Variants in MAN1A1 observed in about 807,000 individuals in gnomAD.
The protein encoded by MAN1A1 is mannosidase alpha class 1A member 1.
In MAN1A1, 29 loss-of-function variants were observed where a neutral mutation model predicts 70.8. The ratio of observed to expected loss-of-function variants is 0.41; its 90% CI spans 0.31 to 0.56. The LOEUF (loss-of-function observed/expected upper bound fraction) is 0.56, where lower values mean the gene tolerates loss of function less well. Ranked by LOEUF, MAN1A1 falls within the 20% of genes least tolerant of loss-of-function variation. The probability of loss-of-function intolerance (pLI) is 0.29; values close to 1 mark genes in which losing one functional copy is unlikely to be tolerated. For missense variants in MAN1A1, 747 were observed against 841.3 expected, an observed-to-expected ratio of 0.89 and a Z score of 1.39; for synonymous variants, 349 against 330.1, an observed-to-expected ratio of 1.06 and a Z score of -0.62.
intron 11 of MAN1A1, among the ~76,000 whole-genome samples, chr6:119,185,844 GTTTTTTTT>G (rs63362861): frequency 7.6e-6 from 1 of 132,162 alleles, no homozygotes; most frequent in African/African-American, 2.8e-5. Context: ...TGGCCTCCCA[GTTTTTTTT>G]TTTTTTTTTT....
At chr6:119,332,325 A>AT (rs1773340200) in intron 2 of MAN1A1, among the ~76,000 whole-genome samples, 1 of 152,364 alleles carries the variant, frequency 6.6e-6, no homozygotes, top group African/African-American at 2.4e-5. Flanking sequence ...AACAGGAAGA[A>AT]TAACAAACAC....
At chr6:119,271,115 A>C (rs1018564209) in intron 5 of MAN1A1, among the ~76,000 whole-genome samples, 11 of 152,182 alleles carry the variant, frequency 7.2e-5, no homozygotes, top group African/African-American at 2.7e-4. Context: ...CAAGAAACAC[A>C]ACTCTACATT....
chr6:119,227,236 G>T (rs1036432899), intron 6 of MAN1A1, among the ~76,000 whole-genome samples: 1 of 152,160 alleles, frequency 6.6e-6, no homozygotes, highest in Non-Finnish European at 1.5e-5. Flanking sequence ...TATACTGACA[G>T]CAACATATCA....
chr6:119,190,993 T>C (rs547753578), intron 9 of MAN1A1, among the ~76,000 whole-genome samples: 2 of 152,136 alleles, frequency 1.3e-5, no homozygotes, highest in African/African-American at 2.4e-5. Flanking sequence ...TTGGGAATAA[T>C]AGACACAGAA....
chr6:119,217,194 T>C (rs1024798560), intron 6 of MAN1A1, among the ~76,000 whole-genome samples: 3 of 152,244 alleles, frequency 2.0e-5, no homozygotes, highest in African/African-American at 7.2e-5. Context: ...TGGTCAATCT[T>C]TTAGGTTAAA....
At chr6:119,193,619 A>G (rs1773495851) in intron 9 of MAN1A1, among the ~76,000 whole-genome samples, 158 bp downstream of exon 9, 1 of 152,240 alleles carries the variant, frequency 6.6e-6, no homozygotes, top group South Asian at 2.1e-4. Context: ...AAATATGATT[A>G]CCATTATTAC....
chr6:119,254,062 T>C (rs1204474035), intron 5 of MAN1A1, among the ~76,000 whole-genome samples: 1 of 152,224 alleles, frequency 6.6e-6, no homozygotes, highest in Non-Finnish European at 1.5e-5. Flanking sequence ...AACATCCTTC[T>C]ACCTAAACTG....
intron 6 of MAN1A1, among the ~76,000 whole-genome samples, chr6:119,227,250 G>A (rs1392972703): frequency 2.0e-5 from 3 of 152,206 alleles, no homozygotes; most frequent in Non-Finnish European, 4.4e-5. Context: ...CATATCAGTG[G>A]TTGCCTGGGG....
intron 5 of MAN1A1, among the ~76,000 whole-genome samples, chr6:119,259,417 A>G (rs1775546483): frequency 6.6e-6 from 1 of 152,220 alleles, no homozygotes; most frequent in Non-Finnish European, 1.5e-5. Context: ...CAAATTTACA[A>G]AGTCAACTGA....
chr6:119,287,890 T>A (rs1437859707), intron 5 of MAN1A1, among the ~76,000 whole-genome samples: 1 of 152,022 alleles, frequency 6.6e-6, no homozygotes, highest in African/African-American at 2.4e-5. Flanking sequence ...ATTCATCTTA[T>A]CCCCATCCTA....
intron 6 of MAN1A1, among the ~76,000 whole-genome samples, chr6:119,229,702 C>T (rs1774622815): frequency 6.6e-6 from 1 of 151,954 alleles, no homozygotes; most frequent in Non-Finnish European, 1.5e-5. Context: ...AGTGCTAATC[C>T]CTCTGTCATG....
rs1409057075 is a variant in MAN1A1 at position 119,177,235 on chromosome 6, G to C, written c.*2584C>G. 1 of 152,022 alleles carries C rather than the reference G, an allele frequency of 6.6e-6. No homozygotes were observed. The highest frequency in any genetic ancestry group is 1.5e-5 in the Non-Finnish European group (1 of 67,950). The allele number at this position is 152,022 out of a possible 1,614,324, so 9.4% of individuals were successfully genotyped here. A position where few individuals can be genotyped will look rare whatever the true frequency, so the allele number is the denominator to read the frequency against. ...ATATTAAAAGACTTTATTCACAATAGAGAAATTTTACAAATATAATTTTTA... is the reference window on the plus strand; with the variant it reads ...ATATTAAAAGACTTTATTCACAATACAGAAATTTTACAAATATAATTTTTA... On this transcript the variant is annotated 3_prime_UTR_variant, in exon 13 of 13. Coordinates refer to ENST00000368468, the MANE Select transcript of MAN1A1 (RefSeq NM_005907.4).
At chr6:119,223,484 A>G (rs562496701) in intron 6 of MAN1A1, among the ~76,000 whole-genome samples, 32 of 152,278 alleles carry the variant, frequency 2.1e-4, no homozygotes, top group South Asian at 1.2e-3. Context: ...GTTTGGAAAA[A>G]TGTATCAAAT....
At chr6:119,242,349 TA>T (rs1775036264) in intron 6 of MAN1A1, among the ~76,000 whole-genome samples, 1 of 152,046 alleles carries the variant, frequency 6.6e-6, no homozygotes, top group Non-Finnish European at 1.5e-5. Context: ...CCAAATAATT[TA>T]AAAAATAATA....
chr6:119,348,434 G>C (rs1327694446), intron 2 of MAN1A1, 29 bp downstream of exon 2: 4 of 1,538,400 alleles, frequency 2.6e-6, no homozygotes, highest in Admixed American at 1.8e-5. Context: ...ACGGCCGGTC[G>C]GGAGGGATTT....
intron 7 of MAN1A1, among the ~76,000 whole-genome samples, chr6:119,202,063 A>G (rs1476833227): frequency 2.0e-5 from 3 of 152,166 alleles, no homozygotes; most frequent in East Asian, 1.9e-4. Context: ...TACATTTATA[A>G]AAGTATTTTT....
chr6:119,199,130 C>T (rs1042180914), intron 8 of MAN1A1, among the ~76,000 whole-genome samples: 3 of 152,092 alleles, frequency 2.0e-5, no homozygotes, highest in Non-Finnish European at 4.4e-5. Flanking sequence ...ATCAGAAAAC[C>T]ACATTTGTTA....
intron 5 of MAN1A1, among the ~76,000 whole-genome samples, chr6:119,279,068 C>A (rs879565741): frequency 7.2e-5 from 11 of 152,134 alleles, no homozygotes; most frequent in Non-Finnish European, 1.6e-4. Flanking sequence ...CCCCCCTCAA[C>A]CATTCAATCT....
intron 6 of MAN1A1, among the ~76,000 whole-genome samples, chr6:119,245,308 C>T (rs1759268261): frequency 6.6e-6 from 1 of 152,116 alleles, no homozygotes; most frequent in African/African-American, 2.4e-5. Flanking sequence ...TATGTTTCCC[C>T]ACTCCTTTGA....
Sources: allele counts gnomAD v4.1 joint callset (sites outside exome capture counted in the v4.1 genomes callset), GRCh38; gene constraint gnomAD v4.1.1; transcripts MANE v1.5; gene names NCBI Gene and HGNC (gene_info 2026-07-23, HGNC 2026-07-21).